The following NPHP4 variants were observed in gnomAD, a reference collection of about 807,000 sequenced individuals.
NPHP4 encodes nephrocystin-4.
A neutral mutation model predicts 155.8 loss-of-function variants in NPHP4; 151 were observed. That is an observed-to-expected ratio of 0.97 (90% CI 0.85 to 1.11). The LOEUF is 1.11. Ranked by LOEUF, NPHP4 falls within the 50% of genes least tolerant of loss-of-function variation. The pLI, the probability that NPHP4 is intolerant of heterozygous loss-of-function variation, is 0.00. For missense variants in NPHP4, 1,956 were observed against 1,925.7 expected (o/e 1.02, Z -0.29); for synonymous variants, 845 against 816.8 (o/e 1.03, Z -0.59).
intron 3 of NPHP4, among the ~76,000 whole-genome samples, chr1:5,975,396 G>T (rs910739627): frequency 2.6e-5 from 4 of 152,210 alleles, no homozygotes; most frequent in Non-Finnish European, 5.9e-5. Flanking sequence ...CAGACAGCAG[G>T]CTCCATGAAT....
intron 10 of NPHP4, among the ~76,000 whole-genome samples, chr1:5,928,814 A>G (rs1001825984): frequency 2.0e-5 from 3 of 152,210 alleles, no homozygotes; most frequent in Non-Finnish European, 4.4e-5. Context: ...TCGCCAAAAA[A>G]ATCCTGCTGA....
At position 5,896,244 on chromosome 1, in the gene NPHP4, C is replaced by A. The variant is rs538474145; in HGVS notation, c.2144-5216G>T. Among the ~76,000 whole-genome samples the A allele has an allele frequency of 2.6e-5, 4 of 152,130 alleles. No individual in the cohort carries two copies. The South Asian group carries it at 8.3e-4, about 32-fold the overall frequency. On this transcript the variant is annotated intron_variant, in intron 16 of 29. Transcript: ENST00000378156. Reference sequence around the variant, plus strand: ...GGAGGCCCGAGCACACACTGGGCTACGGTGTTCAACTTTCAACCATGTAAA... The same window carrying A: ...GGAGGCCCGAGCACACACTGGGCTAAGGTGTTCAACTTTCAACCATGTAAA...
At position 5,910,115 on chromosome 1, in the gene NPHP4, T is replaced by G. The variant is rs1376371220; in HGVS notation, c.1442-902A>C. The stretch of plus-strand genomic sequence containing the variant: ...TCTCTTACGGTCATTTCACATACAC[T>G]GCCATTTGCCTTTGCCCACCATGAA... On this transcript the variant is annotated intron_variant, in intron 11 of 29. Transcript: ENST00000378156. This position sits in a 1 kb window ranked among gnomAD's most constrained non-coding sequence, Gnocchi z 5.4. 6.6e-6 allele frequency among the ~76,000 whole-genome samples: 1 copy of G among 152,126 alleles called. No individual in the cohort carries two copies. Among genetic ancestry groups the G allele is most frequent in the African/African-American group, 2.4e-5 (1 of 41,430 alleles).
intron 6 of NPHP4, among the ~76,000 whole-genome samples, chr1:5,957,276 A>G (rs1312569203): frequency 6.6e-6 from 1 of 152,192 alleles, no homozygotes; most frequent in Non-Finnish European, 1.5e-5. Context: ...CACACTACAG[A>G]GAAAACAGGG....
At chr1:5,979,955 C>A (rs1400841790) in intron 2 of NPHP4, among the ~76,000 whole-genome samples, 2 of 152,146 alleles carry the variant, frequency 1.3e-5, no homozygotes, top group African/African-American at 4.8e-5. Flanking sequence ...AAAACCAACC[C>A]GTCCAGAGAC....
rs1023618008 is a variant in NPHP4, at chr1:5,889,625, C to T, written c.2304+1243G>A. 1.3e-5 allele frequency among the ~76,000 whole-genome samples: 2 copies of T among 152,208 alleles called. No homozygotes were observed. The highest frequency in any genetic ancestry group is 2.9e-5 in the Non-Finnish European group (2 of 68,026). On this transcript the variant is annotated intron_variant, in intron 17 of 29. Coordinates refer to ENST00000378156, the MANE Select transcript of NPHP4 (RefSeq NM_015102.5). The surrounding 1 kb of genome is among the most constrained non-coding windows in gnomAD (Gnocchi z 4.2). ...CCTCCCACACCGCCTGCCTCCTTTACGCCTCCCCACCATGCAGAGCCTGCT... is the reference window on the plus strand; with the variant it reads ...CCTCCCACACCGCCTGCCTCCTTTATGCCTCCCCACCATGCAGAGCCTGCT...
Position 5,910,761 on chromosome 1 carries a change from C to G in NPHP4, c.1442-1548G>C, listed in dbSNP as rs917760944. ...CCTAACACCAGAGCTGCACGACCAT[C>G]GGAGCCAATCCCCGCCGTGCCTCTC... On this transcript the variant is annotated intron_variant, in intron 11 of 29. Transcript: ENST00000378156. This position sits in a 1 kb window ranked among gnomAD's most constrained non-coding sequence, Gnocchi z 5.4. Among the ~76,000 whole-genome samples, 1 of 152,346 alleles carries G rather than the reference C, an allele frequency of 6.6e-6. No individual in the cohort carries two copies. The highest frequency in any genetic ancestry group is 2.4e-5 in the African/African-American group (1 of 41,586).
intron 5 of NPHP4, among the ~76,000 whole-genome samples, chr1:5,964,939 A>AT (rs1232148646): frequency 1.4e-4 from 9 of 62,696 alleles, no homozygotes; most frequent in African/African-American, 3.8e-4. Context: ...ATATATATAT[A>AT]TATTTTTTTT....
At position 5,907,081 on chromosome 1, in the gene NPHP4, G is replaced by A. The variant is rs1163248231; in HGVS notation, c.1611+34C>T. 7 of 1,262,766 alleles carry A rather than the reference G, an allele frequency of 5.5e-6. No homozygotes were observed. The South Asian group carries it at 8.0e-5, about 14-fold the overall frequency. The allele number at this position is 1,262,766 out of a possible 1,614,324, so 78.2% of individuals were successfully genotyped here. The stretch of plus-strand genomic sequence containing the variant: ...TGAGGAGCTGTGGAGCCATTCCTTG[G>A]TGGAAGGCAAGGCGGCAGGTGGGCG... On this transcript the variant is annotated intron_variant, in intron 13 of 29. Transcript: ENST00000378156.
intron 3 of NPHP4, among the ~76,000 whole-genome samples, chr1:5,977,406 C>A (rs1454075050): frequency 6.6e-6 from 1 of 152,106 alleles, no homozygotes; most frequent in Non-Finnish European, 1.5e-5. Flanking sequence ...GCTTAATCAG[C>A]AGCTTCGCAG....
At chr1:5,916,185 T>C (rs1199932599) in intron 11 of NPHP4, among the ~76,000 whole-genome samples, 1 of 152,162 alleles carries the variant, frequency 6.6e-6, no homozygotes, top group Non-Finnish European at 1.5e-5. Flanking sequence ...AGCGGCTCAA[T>C]GCACACTCTT....
intron 7 of NPHP4, among the ~76,000 whole-genome samples, chr1:5,949,345 C>CACACACACACACAA (rs1553187029): frequency 6.7e-6 from 1 of 149,768 alleles, no homozygotes; most frequent in African/African-American, 2.5e-5. Context: ...CACATACATA[C>CACACACACACACAA]ACACACACAC....
intron 3 of NPHP4, among the ~76,000 whole-genome samples, chr1:5,973,068 A>G (rs901155127): frequency 6.6e-6 from 1 of 152,148 alleles, no homozygotes; most frequent in African/African-American, 2.4e-5. Context: ...AATTTTTAGT[A>G]GAGACAGGGT....
intron 5 of NPHP4, among the ~76,000 whole-genome samples, chr1:5,964,941 A>ATATATATATATATTTTTTTTTTTTT: frequency 3.5e-4 from 21 of 59,342 alleles, no homozygotes; most frequent in African/African-American, 7.6e-4. Flanking sequence ...ATATATATAT[A>ATATATATATATATTTTTTTTTTTTT]TTTTTTTTTT....
At position 5,867,927 on chromosome 1, in the gene NPHP4, G is replaced by T. The variant is rs768859057; in HGVS notation, c.3316-31C>A. The T allele has an allele frequency of 6.2e-7, 1 of 1,613,350 alleles. No individual in the cohort carries two copies. Reference sequence around the variant, plus strand: ...AGGAGGCCACGCTGAGTGTTGGGATGGGCACGAGGCTTGTGAGCAGCTTCT... The same window carrying T: ...AGGAGGCCACGCTGAGTGTTGGGATTGGCACGAGGCTTGTGAGCAGCTTCT... On this transcript the variant is annotated intron_variant, in intron 23 of 29. Transcript: ENST00000378156. This position sits in a 1 kb window ranked among gnomAD's most constrained non-coding sequence, Gnocchi z 4.1.
intron 22 of NPHP4, 194 bp from the exon 23 acceptor site, chr1:5,873,529 G>A: frequency 1.6e-6 from 1 of 612,128 alleles, no homozygotes; most frequent in Non-Finnish European, 2.9e-6. Flanking sequence ...AAAGGGAACA[G>A]CAGATCCCAG....
intron 16 of NPHP4, among the ~76,000 whole-genome samples, chr1:5,902,428 T>A (rs1644725248): frequency 6.6e-6 from 1 of 152,202 alleles, no homozygotes. Flanking sequence ...CATGAATAAA[T>A]GCATGATAAA....
intron 9 of NPHP4, among the ~76,000 whole-genome samples, chr1:5,946,732 G>A (rs1647120176): frequency 6.6e-6 from 1 of 152,236 alleles, no homozygotes; most frequent in South Asian, 2.1e-4. Flanking sequence ...GAGAGTGACT[G>A]AAGGTTACAT....
intron 26 of NPHP4, chr1:5,866,109 G>A (rs1045087834): frequency 9.5e-6 from 5 of 526,282 alleles, no homozygotes; most frequent in African/African-American, 7.7e-5. Flanking sequence ...CACTATCTGG[G>A]GACAGAGGCT....
Sources: gnomAD v4.1 joint callset for allele counts (sites outside exome capture counted in the v4.1 genomes callset) on GRCh38, gnomAD v4.1.1 for gene constraint, Gnocchi (gnomAD v3.1) non-coding constraint, MANE v1.5 for transcripts, NCBI Gene and HGNC (gene_info 2026-07-23, HGNC 2026-07-21) for gene names.